SOX6: variants seen among roughly 807,000 people sequenced by gnomAD.
The protein encoded by SOX6 is SRY-box transcription factor 6.
A neutral mutation model predicts 97.8 loss-of-function variants in SOX6; 11 were observed. That is an observed-to-expected ratio of 0.11 (90% CI 0.07 to 0.19). The LOEUF (loss-of-function observed/expected upper bound fraction) is 0.19, where lower values mean the gene tolerates loss of function less well. SOX6 is among the 10% of genes least tolerant of loss of function. The pLI is 1.00. For synonymous variants in SOX6, 360 were observed against 371.4 expected (o/e 0.97, Z 0.35); for missense variants, 810 against 1,039.5 (o/e 0.78, Z 3.04).
intron 3 of SOX6, among the ~76,000 whole-genome samples, chr11:16,703,596 GC>G (rs1848110244): frequency 1.3e-5 from 2 of 152,228 alleles, no homozygotes; most frequent in East Asian, 3.9e-4. Flanking sequence ...TGTCCGGAAT[GC>G]TGTAAAACAA....
At chr11:16,448,455 G>T (rs1859654250) in intron 1 of SOX6, among the ~76,000 whole-genome samples, 1 of 150,854 alleles carries the variant, frequency 6.6e-6, no homozygotes, top group African/African-American at 2.4e-5. Context: ...TTTCCCCCTT[G>T]GCAATAAAAA....
chr11:16,679,445 C>G (rs952407225), intron 3 of SOX6, among the ~76,000 whole-genome samples: 18 of 152,138 alleles, frequency 1.2e-4, no homozygotes, highest in African/African-American at 4.3e-4. Flanking sequence ...ACATCCACAC[C>G]AAAACCCCAC....
intron 3 of SOX6, among the ~76,000 whole-genome samples, chr11:16,632,445 A>G (rs2133996670): frequency 6.6e-6 from 1 of 152,234 alleles, no homozygotes; most frequent in South Asian, 2.1e-4. Context: ...TTTTTTTTCC[A>G]CACAGCTGGG....
intron 15 of SOX6, among the ~76,000 whole-genome samples, chr11:15,985,859 G>A (rs901533866): frequency 5.3e-5 from 8 of 152,078 alleles, no homozygotes; most frequent in Admixed American, 5.2e-4. Context: ...GAAAGCTTAT[G>A]GGGATTTCTT....
At chr11:16,408,478 T>C (rs1858730240) in intron 1 of SOX6, among the ~76,000 whole-genome samples, 1 of 152,132 alleles carries the variant, frequency 6.6e-6, no homozygotes, top group Non-Finnish European at 1.5e-5. Context: ...ATCTGGTACA[T>C]AGTATGTGCT....
chr11:16,660,411 A>C (rs1232026183), intron 3 of SOX6, among the ~76,000 whole-genome samples: 2 of 152,076 alleles, frequency 1.3e-5, no homozygotes, highest in African/African-American at 4.8e-5. Context: ...TTTTTCCACT[A>C]TCTGTTATTT....
At chr11:16,640,653 CGAG>C (rs1848895174) in intron 3 of SOX6, among the ~76,000 whole-genome samples, 1 of 152,070 alleles carries the variant, frequency 6.6e-6, no homozygotes, top group Non-Finnish European at 1.5e-5. Context: ...GCGTATGTGT[CGAG>C]GAATTTATCC....
At chr11:16,466,099 C>T (rs556384176) in intron 1 of SOX6, among the ~76,000 whole-genome samples, 56 of 152,302 alleles carry the variant, frequency 3.7e-4, no homozygotes, top group Non-Finnish European at 6.8e-4. Context: ...TCTTTTTATA[C>T]TGTCATTGCC....
intron 1 of SOX6, among the ~76,000 whole-genome samples, chr11:16,374,759 A>G (rs1857599185): frequency 6.6e-6 from 1 of 152,046 alleles, no homozygotes; most frequent in Non-Finnish European, 1.5e-5. Context: ...AATGTTCTAT[A>G]CTCCATAAAA....
intron 1 of SOX6, among the ~76,000 whole-genome samples, chr11:16,473,262 G>A (rs1452060073): frequency 6.6e-6 from 1 of 152,196 alleles, no homozygotes; most frequent in Non-Finnish European, 1.5e-5. Flanking sequence ...CTGCAATAAA[G>A]CAAATGTTGC....
At chr11:16,673,710 A>C (rs1847863725) in intron 3 of SOX6, among the ~76,000 whole-genome samples, 1 of 152,176 alleles carries the variant, frequency 6.6e-6, no homozygotes, top group Non-Finnish European at 1.5e-5. Flanking sequence ...TATTCTAAAA[A>C]AAACCAAAAG....
chr11:16,089,717 G>C (rs79809933), intron 9 of SOX6, among the ~76,000 whole-genome samples: 1 of 151,998 alleles, frequency 6.6e-6, no homozygotes, highest in African/African-American at 2.4e-5. Context: ...CAGAAGTGAG[G>C]AGAAACCATC....
chr11:16,645,218 A>G (rs1348572301), intron 3 of SOX6, among the ~76,000 whole-genome samples: 1 of 152,168 alleles, frequency 6.6e-6, no homozygotes. Context: ...ATAACAACCA[A>G]TTCAAGCTGG....
rs1848107648 is a variant in SOX6, at chr11:16,066,938, C to CT, written c.1102-11038dup. Among the ~76,000 whole-genome samples, 3 of 152,110 alleles carry CT rather than the reference C, an allele frequency of 2.0e-5. No homozygotes were observed. In the South Asian group the frequency reaches 6.2e-4, roughly 31 times the overall value. On this transcript the variant is annotated intron_variant, in intron 9 of 15. Transcript: ENST00000683767. ...GGAGTCAAAGAAGATCATTTTGAAG[C>CT]TTTAAGATTTGACTGCCCTGCTGGA...
intron 4 of SOX6, among the ~76,000 whole-genome samples, chr11:16,585,752 G>A (rs764579060): frequency 2.2e-4 from 31 of 141,896 alleles, no homozygotes; most frequent in Non-Finnish European, 2.8e-4. Flanking sequence ...GCGTGATCAC[G>A]GTTTGCCACA....
chr11:16,103,937 A>G (rs960895885), intron 7 of SOX6, among the ~76,000 whole-genome samples: 4 of 151,950 alleles, frequency 2.6e-5, no homozygotes, highest in African/African-American at 9.7e-5. Context: ...TGCTTGGGTG[A>G]TGGGTGCACC....
intron 2 of SOX6, among the ~76,000 whole-genome samples, chr11:16,720,257 G>A (rs372471625): frequency 6.8e-4 from 100 of 146,652 alleles, no homozygotes; most frequent in Non-Finnish European, 1.3e-3. Flanking sequence ...TGTTTATTGC[G>A]GCACTATTCA....
chr11:16,126,582 G>T (rs1007541201), intron 6 of SOX6, among the ~76,000 whole-genome samples: 6 of 152,040 alleles, frequency 3.9e-5, no homozygotes. Context: ...TGTTAGATAG[G>T]CTTTCATTGA....
At position 16,362,561 on chromosome 11, in the gene SOX6, C is replaced by A. The variant is rs927015470; in HGVS notation, c.-4-21309G>T. Reference sequence around the variant, plus strand: ...TCCCTTATAGAACAGCAAGATAATTCTCTAGAGGAAAATATAATATAGCAT... The same window carrying A: ...TCCCTTATAGAACAGCAAGATAATTATCTAGAGGAAAATATAATATAGCAT... On this transcript the variant is annotated intron_variant, in intron 1 of 15. Transcript: ENST00000396356. Among the ~76,000 whole-genome samples the A allele has an allele frequency of 1.6e-4, 24 of 152,002 alleles. 1 individual carries two copies. The highest frequency in any genetic ancestry group is 5.8e-4 in the African/African-American group (24 of 41,446).
Sources: allele counts gnomAD v4.1 joint callset (sites outside exome capture counted in the v4.1 genomes callset), GRCh38; gene constraint gnomAD v4.1.1; transcripts MANE v1.5; gene names NCBI Gene and HGNC (gene_info 2026-07-23, HGNC 2026-07-21).